TUSC3: variants seen among roughly 807,000 people sequenced by gnomAD.
TUSC3 encodes the protein dolichyl-diphosphooligosaccharide--protein glycosyltransferase subunit TUSC3.
TUSC3 carries 45 observed loss-of-function variants against 44.8 expected under a neutral mutation model. The observed-to-expected ratio is 1.00, with a 90% CI of 0.79 to 1.29. TUSC3 has a LOEUF of 1.29. TUSC3 is among the 50% of genes most tolerant of loss of function. The pLI is 0.00. For missense variants in TUSC3, 519 were observed against 437.9 expected (o/e 1.19, Z -1.65); for synonymous variants, 212 against 152.9 (o/e 1.39, Z -2.85).
chr8:15,534,070 G>C (rs1452895314), intron 2 of TUSC3, among the ~76,000 whole-genome samples: 1 of 152,228 alleles, frequency 6.6e-6, no homozygotes. Flanking sequence ...TGCTTTGTCA[G>C]GATCAACATG....
At chr8:15,581,672 C>T (rs964780071) in intron 1 of TUSC3, among the ~76,000 whole-genome samples, 81 of 148,678 alleles carry the variant, frequency 5.4e-4, no homozygotes, top group Non-Finnish European at 8.3e-4. Flanking sequence ...GCAGTCTGCC[C>T]GTTCTCAGAT....
chr8:15,520,452 G>C (rs1243412552), intron 2 of TUSC3, among the ~76,000 whole-genome samples: 2 of 152,168 alleles, frequency 1.3e-5, no homozygotes, highest in African/African-American at 2.4e-5. Flanking sequence ...GGCTTAACAG[G>C]ATTCTACAAA....
At chr8:15,445,892 G>A (rs967234941) in intron 1 of TUSC3, among the ~76,000 whole-genome samples, 3 of 151,336 alleles carry the variant, frequency 2.0e-5, no homozygotes, top group East Asian at 2.0e-4. Context: ...CTTCCCAGAC[G>A]GGGCGGCCGG....
intron 1 of TUSC3, among the ~76,000 whole-genome samples, chr8:15,459,962 G>T (rs1800322279): frequency 6.6e-6 from 1 of 152,052 alleles, no homozygotes. Context: ...GTTGGTTCCA[G>T]AATTTTGCAA....
At chr8:15,514,564 A>G (rs1030333711) in intron 2 of TUSC3, among the ~76,000 whole-genome samples, 2 of 152,176 alleles carry the variant, frequency 1.3e-5, no homozygotes, top group African/African-American at 2.4e-5. Flanking sequence ...CACAGCCCAG[A>G]GTTTCATGCC....
chr8:15,660,698 A>T (rs542375526), intron 4 of TUSC3, among the ~76,000 whole-genome samples: 1 of 152,040 alleles, frequency 6.6e-6, no homozygotes, highest in African/African-American at 2.4e-5. Flanking sequence ...CATTTTGGTG[A>T]CTAAACTTAT....
At chr8:15,824,431 T>C in the TUSC3 span, among the ~76,000 whole-genome samples, 47 of 151,834 alleles carry the variant, frequency 3.1e-4, 1 homozygote, top group Non-Finnish European at 1.9e-4. Flanking sequence ...ATAAAGATGG[T>C]TTCCAGCTTC....
chr8:15,731,538 C>T (rs1810722948), intron 7 of TUSC3, among the ~76,000 whole-genome samples: 1 of 152,168 alleles, frequency 6.6e-6, no homozygotes, highest in African/African-American at 2.4e-5. Context: ...TAGGCCAAAC[C>T]TCATTTTATA....
chr8:15,826,931 C>A, the TUSC3 span, among the ~76,000 whole-genome samples: 1 of 152,112 alleles, frequency 6.6e-6, no homozygotes, highest in Non-Finnish European at 1.5e-5. Context: ...AGCTCTCAAT[C>A]CTTGATTAAA....
chr8:15,543,234 A>G (rs1801748608), intron 1 of TUSC3, among the ~76,000 whole-genome samples: 1 of 139,010 alleles, frequency 7.2e-6, no homozygotes, highest in African/African-American at 2.4e-5. Context: ...TTTACTATTA[A>G]TATAATAAAT....
At chr8:15,805,775 T>A in the TUSC3 span, among the ~76,000 whole-genome samples, 1 of 152,138 alleles carries the variant, frequency 6.6e-6, no homozygotes, top group African/African-American at 2.4e-5. Context: ...GTGGTTTTCC[T>A]TTTTTGTTGT....
chr8:15,658,654 A>G (rs1023973339), intron 3 of TUSC3, among the ~76,000 whole-genome samples: 1 of 150,824 alleles, frequency 6.6e-6, no homozygotes, highest in African/African-American at 2.5e-5. Flanking sequence ...ACACACACAC[A>G]CACACAAATA....
chr8:15,568,858 T>C (rs1802767217), intron 1 of TUSC3, among the ~76,000 whole-genome samples: 1 of 152,162 alleles, frequency 6.6e-6, no homozygotes, highest in Non-Finnish European at 1.5e-5. Flanking sequence ...TTTTGGTACT[T>C]GGAGATTACA....
chr8:15,462,523 G>A (rs957449644), intron 1 of TUSC3, among the ~76,000 whole-genome samples: 4 of 152,004 alleles, frequency 2.6e-5, no homozygotes, highest in Non-Finnish European at 5.9e-5. Flanking sequence ...GCCTGTTAAT[G>A]TTATCTCCCT....
intron 1 of TUSC3, among the ~76,000 whole-genome samples, chr8:15,585,561 T>A (rs918382020): frequency 3.9e-5 from 6 of 152,160 alleles, no homozygotes; most frequent in South Asian, 2.1e-4. Flanking sequence ...GGCATCTCAT[T>A]TGCATAAAGC....
In TUSC3 at chr8:15,765,242, A is replaced by G. The variant is rs2129226128; in HGVS notation, c.*1086A>G. The G allele has an allele frequency of 6.6e-6, 1 of 152,204 alleles. No individual in the cohort carries two copies. Among genetic ancestry groups the G allele is most frequent in the Admixed American group, 6.6e-5 (1 of 15,262 alleles). 9.4% of individuals were successfully genotyped at this position (152,204 alleles called of 1,614,324 possible). The stretch of plus-strand genomic sequence containing the variant: ...CTAATGGAAGCTGAAAGCCAAAAAT[A>G]AAGTTTATAACCAGGCCTTCAAACT... On this transcript the variant is annotated 3_prime_UTR_variant, in exon 11 of 11. Transcript: ENST00000503731.
chr8:15,778,663 G>A, the TUSC3 span, among the ~76,000 whole-genome samples: 1 of 152,094 alleles, frequency 6.6e-6, no homozygotes, highest in Non-Finnish European at 1.5e-5. Flanking sequence ...TGTTTACCTA[G>A]ATTTTTATGC....
At chr8:15,488,133 C>T (rs1408075835) in intron 2 of TUSC3, among the ~76,000 whole-genome samples, 2 of 152,042 alleles carry the variant, frequency 1.3e-5, no homozygotes, top group Non-Finnish European at 2.9e-5. Context: ...TAAGTCCCCT[C>T]TTTATTGAAG....
chr8:15,701,807 G>T (rs1386397301), intron 6 of TUSC3, among the ~76,000 whole-genome samples: 1 of 152,128 alleles, frequency 6.6e-6, no homozygotes, highest in East Asian at 1.9e-4. Flanking sequence ...GGACACTGAG[G>T]CAAGAGTCTT....
Sources: allele counts gnomAD v4.1 joint callset (sites outside exome capture counted in the v4.1 genomes callset), GRCh38; gene constraint gnomAD v4.1.1; transcripts MANE v1.5; gene names NCBI Gene and HGNC (gene_info 2026-07-23, HGNC 2026-07-21).